Variants in HYCC1 observed in about 807,000 individuals in gnomAD.
HYCC1 encodes hyccin.
At chr7:23,012,449 T>C in the HYCC1 span, among the ~76,000 whole-genome samples, 1 of 152,228 alleles carries the variant, frequency 6.6e-6, no homozygotes, top group Non-Finnish European at 1.5e-5. Flanking sequence ...TAATCCCTCA[T>C]GGTAATTTCA....
At chr7:22,930,706 A>C in the HYCC1 span, among the ~76,000 whole-genome samples, 38 of 152,066 alleles carry the variant, frequency 2.5e-4, no homozygotes, top group Admixed American at 2.5e-3. Flanking sequence ...GAGATGTAAA[A>C]CTCCTCAACA....
At chr7:22,932,093 G>A in the HYCC1 span, among the ~76,000 whole-genome samples, 1 of 152,142 alleles carries the variant, frequency 6.6e-6, no homozygotes, top group South Asian at 2.1e-4. Context: ...TTGTTGATGA[G>A]ATATGCGACT....
chr7:22,936,658 T>C, the HYCC1 span: 2 of 152,142 alleles, frequency 1.3e-5, no homozygotes, highest in Non-Finnish European at 2.9e-5. Flanking sequence ...CCTGGCCAGG[T>C]ATAAATGGTG....
the HYCC1 span, among the ~76,000 whole-genome samples, chr7:22,907,507 T>TAGAGA: frequency 1.2e-4 from 19 of 152,280 alleles, 1 homozygote; most frequent in African/African-American, 4.6e-4. Flanking sequence ...ATTAGAGACT[T>TAGAGA]CAATGAGCCA....
chr7:22,961,225 A>G, the HYCC1 span: 247 of 1,551,266 alleles, frequency 1.6e-4, no homozygotes, highest in Non-Finnish European at 2.8e-5. Context: ...TAAATAAGTC[A>G]GGCACCTACC....
chr7:22,968,022 G>A, the HYCC1 span, among the ~76,000 whole-genome samples: 2 of 152,046 alleles, frequency 1.3e-5, no homozygotes, highest in African/African-American at 4.8e-5. Flanking sequence ...CATGATTATG[G>A]TGAGTCTGCT....
chr7:22,921,527 C>A, the HYCC1 span, among the ~76,000 whole-genome samples: 1 of 151,896 alleles, frequency 6.6e-6, no homozygotes, highest in South Asian at 2.1e-4. Context: ...GTATGTATAA[C>A]AACAATAGCA....
the HYCC1 span, among the ~76,000 whole-genome samples, chr7:22,923,153 T>C: frequency 2.0e-5 from 3 of 152,188 alleles, no homozygotes; most frequent in South Asian, 4.1e-4. Flanking sequence ...ATAGATCATA[T>C]GTCAGGTCAC....
the HYCC1 span, among the ~76,000 whole-genome samples, chr7:22,988,488 T>C: frequency 1.3e-5 from 2 of 152,214 alleles, no homozygotes; most frequent in African/African-American, 4.8e-5. Flanking sequence ...ATTCATACTC[T>C]GGTTTCTTGT....
the HYCC1 span, among the ~76,000 whole-genome samples, chr7:22,993,966 G>A: frequency 2.6e-5 from 4 of 152,228 alleles, no homozygotes; most frequent in African/African-American, 9.6e-5. Context: ...ATGTTCATCT[G>A]AGCAATAGGC....
At chr7:22,949,819 T>A in the HYCC1 span, among the ~76,000 whole-genome samples, 1 of 152,002 alleles carries the variant, frequency 6.6e-6, no homozygotes, top group African/African-American at 2.4e-5. Flanking sequence ...AAATGGCAAG[T>A]AGAAAAATAA....
chr7:22,926,042 A>G, the HYCC1 span, among the ~76,000 whole-genome samples: 19 of 152,224 alleles, frequency 1.2e-4, no homozygotes, highest in South Asian at 2.1e-4. Context: ...ATTCTTAAAG[A>G]AAAGAATTTT....
chr7:22,933,162 T>G, the HYCC1 span, among the ~76,000 whole-genome samples: 529 of 152,324 alleles, frequency 3.5e-3, 2 homozygotes, highest in Non-Finnish European at 5.6e-3. Flanking sequence ...TCATGCAGTT[T>G]GTGGTGTTTT....
chr7:22,997,037 T>G, the HYCC1 span, among the ~76,000 whole-genome samples: 2 of 152,186 alleles, frequency 1.3e-5, no homozygotes, highest in Admixed American at 1.3e-4. Flanking sequence ...TTAGAAGGCT[T>G]GCTAGGAGTC....
At chr7:22,961,443 T>C in the HYCC1 span, 3 of 576,026 alleles carry the variant, frequency 5.2e-6, no homozygotes, top group Non-Finnish European at 6.1e-6. Flanking sequence ...CTTAACATTC[T>C]ACTCCTCTTA....
chr7:22,930,923 A>G, the HYCC1 span, among the ~76,000 whole-genome samples: 1 of 152,150 alleles, frequency 6.6e-6, no homozygotes, highest in Non-Finnish European at 1.5e-5. Context: ...AACATCTGAC[A>G]AAATTCAACA....
chr7:22,980,918 T>C, the HYCC1 span, among the ~76,000 whole-genome samples: 234 of 152,296 alleles, frequency 1.5e-3, 1 homozygote, highest in African/African-American at 5.4e-3. Flanking sequence ...ACTGTACCCA[T>C]ATAAACTGCC....
chr7:22,991,348 TGAA>T, the HYCC1 span, among the ~76,000 whole-genome samples: 1 of 152,150 alleles, frequency 6.6e-6, no homozygotes, highest in Non-Finnish European at 1.5e-5. Context: ...CATAACATGA[TGAA>T]ATTGGCTCTC....
At chr7:22,966,823 G>C in the HYCC1 span, among the ~76,000 whole-genome samples, 1 of 152,098 alleles carries the variant, frequency 6.6e-6, no homozygotes, top group Non-Finnish European at 1.5e-5. Context: ...TGATATTAGA[G>C]GATCCCAGAA....
Sources: gnomAD v4.1 joint callset for allele counts (sites outside exome capture counted in the v4.1 genomes callset) on GRCh38, gnomAD v4.1.1 for gene constraint, MANE v1.5 for transcripts, NCBI Gene and HGNC (gene_info 2026-07-23, HGNC 2026-07-21) for gene names.